The following SBF2 variants were observed in gnomAD, a reference collection of about 807,000 sequenced individuals.
SBF2 encodes the protein SET binding factor 2.
SBF2 carries 112 observed loss-of-function variants against 225.2 expected under a neutral mutation model. That is an observed-to-expected ratio of 0.50 (90% CI 0.43 to 0.58). The LOEUF (loss-of-function observed/expected upper bound fraction) is 0.58. Ranked by LOEUF, SBF2 falls within the 20% of genes least tolerant of loss-of-function variation. SBF2 has a pLI of 0.00. For missense variants in SBF2, 1,996 were observed against 2,206.2 expected (o/e 0.90, Z 1.91); for synonymous variants, 763 against 773.3 (o/e 0.99, Z 0.22).
chr11:10,214,792 T>C (rs2135391187), intron 1 of SBF2, among the ~76,000 whole-genome samples: 1 of 152,330 alleles, frequency 6.6e-6, no homozygotes, highest in Admixed American at 6.5e-5. Flanking sequence ...GTGACCCTTC[T>C]AGATTCCCTG....
chr11:9,980,834 G>A (rs1348520438), intron 13 of SBF2, among the ~76,000 whole-genome samples: 1 of 152,118 alleles, frequency 6.6e-6, no homozygotes, highest in Admixed American at 6.6e-5. Context: ...CCAAAGTGCT[G>A]GGATTACAGG....
chr11:9,869,462 G>A (rs1190053886), intron 17 of SBF2, among the ~76,000 whole-genome samples: 4 of 152,094 alleles, frequency 2.6e-5, no homozygotes, highest in Admixed American at 2.6e-4. Context: ...GGGATTACAG[G>A]TTCATGCCAC....
At chr11:10,217,264 A>T (rs1405643682) in intron 1 of SBF2, among the ~76,000 whole-genome samples, 1 of 152,190 alleles carries the variant, frequency 6.6e-6, no homozygotes, top group Non-Finnish European at 1.5e-5. Flanking sequence ...ATTGCTCATA[A>T]AGCATCCACC....
chr11:9,934,426 A>C (rs985402090), intron 16 of SBF2, among the ~76,000 whole-genome samples: 1 of 152,238 alleles, frequency 6.6e-6, no homozygotes, highest in African/African-American at 2.4e-5. Context: ...AATCAATAGA[A>C]AAAGAGGGAA....
At position 9,989,599 on chromosome 11, in the gene SBF2, G is replaced by C. The variant is rs1474986343; in HGVS notation, c.1297-4C>G. On this transcript the variant is annotated splice_polypyrimidine_tract_variant and splice_region_variant and intron_variant, in intron 12 of 39. Coordinates refer to ENST00000256190, the MANE Select transcript of SBF2 (RefSeq NM_030962.4). Reference sequence around the variant, plus strand: ...TCTCTACTTCAAAGGCTACCAACTAGGAAAAAGAATCAAATGGCAAAACAT... The same window carrying C: ...TCTCTACTTCAAAGGCTACCAACTACGAAAAAGAATCAAATGGCAAAACAT... 3 of 1,538,984 alleles carry C rather than the reference G, an allele frequency of 1.9e-6. No individual in the cohort carries two copies. Among genetic ancestry groups the C allele is most frequent in the African/African-American group, 2.7e-5 (2 of 73,174 alleles).
chr11:9,896,770 C>T (rs947288513), intron 16 of SBF2, among the ~76,000 whole-genome samples: 11 of 135,598 alleles, frequency 8.1e-5, no homozygotes, highest in African/African-American at 3.1e-4. Flanking sequence ...GCCTGGACAA[C>T]AGAATGAGAC....
At chr11:9,885,151 T>A (rs1379544009) in intron 17 of SBF2, among the ~76,000 whole-genome samples, 2 of 147,330 alleles carry the variant, frequency 1.4e-5, no homozygotes. Flanking sequence ...CTCAGGAAGC[T>A]GAGGCAGGAG....
At chr11:9,906,842 A>AT (rs1202412847) in intron 16 of SBF2, among the ~76,000 whole-genome samples, 9 of 152,224 alleles carry the variant, frequency 5.9e-5, no homozygotes, top group Admixed American at 5.2e-4. Context: ...TTTACCTTTA[A>AT]TTTTCCTGCT....
intron 16 of SBF2, chr11:9,958,510 C>T (rs1866342314): frequency 6.3e-6 from 1 of 159,604 alleles, no homozygotes; most frequent in African/African-American, 2.4e-5. Flanking sequence ...AGGCGCCCGC[C>T]ACCTCGCCCG....
Position 10,294,052 on chromosome 11 carries a change from G to A in SBF2, c.18C>T (p.Asp6=). MARLA[D]YFIVVGYDHE... Reference sequence around the variant, plus strand: ...GGTCATAGCCTACCACGATGAAGTAGTCAGCCAGCCGGGCCATGGCCGCCG... The same window carrying A: ...GGTCATAGCCTACCACGATGAAGTAATCAGCCAGCCGGGCCATGGCCGCCG... The change falls in exon 1 of 40, where the codon GAC becomes GAT. Residue 6 remains aspartate, a synonymous_variant. Coordinates refer to ENST00000256190, the MANE Select transcript of SBF2 (RefSeq NM_030962.4). 6 of 1,399,898 alleles carry A rather than the reference G, an allele frequency of 4.3e-6. No homozygotes were observed. The highest frequency in any genetic ancestry group is 5.6e-6 in the Non-Finnish European group (6 of 1,070,876). 86.7% of individuals were successfully genotyped at this position (1,399,898 alleles called of 1,614,324 possible).
intron 3 of SBF2, among the ~76,000 whole-genome samples, chr11:10,031,992 T>C (rs1311906786): frequency 6.6e-6 from 1 of 152,156 alleles, no homozygotes; most frequent in African/African-American, 2.4e-5. Context: ...GCTCCTGCCT[T>C]ATGCTTCCAA....
At chr11:10,210,308 C>T (rs1957891406) in intron 1 of SBF2, among the ~76,000 whole-genome samples, 1 of 151,150 alleles carries the variant, frequency 6.6e-6, no homozygotes. Context: ...ACCCCATGCT[C>T]CCTTGCACAA....
At chr11:9,804,696 T>C (rs1026464909) in intron 32 of SBF2, among the ~76,000 whole-genome samples, 4 of 152,212 alleles carry the variant, frequency 2.6e-5, no homozygotes, top group African/African-American at 4.8e-5. Context: ...AATAAACTTA[T>C]GTAGTAGTCT....
chr11:10,140,593 C>T (rs1172341984), intron 2 of SBF2, among the ~76,000 whole-genome samples: 3 of 152,276 alleles, frequency 2.0e-5, no homozygotes, highest in Non-Finnish European at 2.9e-5. Context: ...TAAACTGACA[C>T]TCATAAGTAA....
At chr11:10,266,776 G>C (rs553668062) in intron 1 of SBF2, among the ~76,000 whole-genome samples, 1 of 152,290 alleles carries the variant, frequency 6.6e-6, no homozygotes, top group African/African-American at 2.4e-5. Flanking sequence ...CAAAGGAAAC[G>C]TAGTTGATTT....
intron 14 of SBF2, among the ~76,000 whole-genome samples, chr11:9,967,995 T>TATA (rs1867077567): frequency 1.4e-5 from 2 of 144,842 alleles, no homozygotes; most frequent in South Asian, 4.5e-4. Flanking sequence ...ATATATAAAA[T>TATA]ATATATATAT....
chr11:10,111,545 G>GT (rs1194970837), intron 2 of SBF2, among the ~76,000 whole-genome samples: 2 of 152,146 alleles, frequency 1.3e-5, no homozygotes, highest in Non-Finnish European at 2.9e-5. Context: ...CTAGAAAAAA[G>GT]TAACTGTAGT....
chr11:10,146,594 AT>A (rs1268848457), intron 2 of SBF2, among the ~76,000 whole-genome samples: 1 of 152,210 alleles, frequency 6.6e-6, no homozygotes, highest in Non-Finnish European at 1.5e-5. Flanking sequence ...AAAAACTTAA[AT>A]GTAAAACCCA....
At chr11:10,236,836 T>C (rs1959096139) in intron 1 of SBF2, among the ~76,000 whole-genome samples, 1 of 152,186 alleles carries the variant, frequency 6.6e-6, no homozygotes, top group African/African-American at 2.4e-5. Context: ...TAATGTATAT[T>C]CAGTAATTTG....
Sources: gnomAD v4.1 joint callset for allele counts (sites outside exome capture counted in the v4.1 genomes callset) on GRCh38, gnomAD v4.1.1 for gene constraint, MANE v1.5 for transcripts, NCBI Gene and HGNC (gene_info 2026-07-23, HGNC 2026-07-21) for gene names.